The following ABCB5 variants were observed in gnomAD, a reference collection of about 807,000 sequenced individuals.
The protein encoded by ABCB5 is ATP binding cassette subfamily B member 5.
In ABCB5, 155 loss-of-function variants were observed where a neutral mutation model predicts 144.2. That is an observed-to-expected ratio of 1.08 (90% confidence interval 0.94 to 1.23). The LOEUF is 1.23. ABCB5 is among the 50% of genes most tolerant of loss of function. The pLI is 0.00. For synonymous variants in ABCB5, 610 were observed against 528.6 expected (o/e 1.15, Z -2.11); for missense variants, 1,830 against 1,520.8 (o/e 1.20, Z -3.38).
At chr7:20,676,586 A>C (rs10236314) in intron 14 of ABCB5, among the ~76,000 whole-genome samples, 137,166 of 152,202 alleles carry the variant, frequency 0.9, 62,026 homozygotes, top group East Asian at 1. Context: ...CTGCTAGGGA[A>C]TGAGCAGGGA....
chr7:20,657,900 T>C (rs1291200292), intron 13 of ABCB5, among the ~76,000 whole-genome samples: 1 of 152,226 alleles, frequency 6.6e-6, no homozygotes, highest in Non-Finnish European at 1.5e-5. Context: ...AGTAGAATAT[T>C]ACTAGCCATG....
intron 16 of ABCB5, among the ~76,000 whole-genome samples, chr7:20,697,022 T>C (rs1786440885): frequency 6.6e-6 from 1 of 152,212 alleles, no homozygotes; most frequent in African/African-American, 2.4e-5. Flanking sequence ...AAGGTAATTT[T>C]GTAATGCACT....
chr7:20,728,518 C>A, intron 23 of ABCB5, 63 bp downstream of exon 23: 1 of 1,562,058 alleles, frequency 6.4e-7, no homozygotes. Flanking sequence ...CTTTGAGAGG[C>A]TGAGGCGGGT....
At position 20,745,321 on chromosome 7, in the gene ABCB5, C is replaced by A; in HGVS notation, c.3312C>A (p.Asn1104Lys). Residue 1104 changes from asparagine (N) to lysine (K), a missense_variant, in exon 26 of 28, where the codon AAC becomes AAA. Coordinates refer to ENST00000404938, the MANE Select transcript of ABCB5 (RefSeq NM_001163941.2). The part of the protein sequence containing the change: ...AIVPQEPVLF[N>K]CSIAENIAYG... ...TTCCTCAAGAGCCTGTGCTCTTCAA[C>A]TGCAGCATTGCTGAGAACATCGCCT... The A allele has an allele frequency of 6.2e-7, 1 of 1,614,120 alleles. No individual in the cohort carries two copies. The highest frequency in any genetic ancestry group is 8.5e-7 in the Non-Finnish European group (1 of 1,179,986).
At chr7:20,747,134 CTTTTAATGGCAACTTCCT>C (rs1217659246) in intron 26 of ABCB5, among the ~76,000 whole-genome samples, 6 of 152,180 alleles carry the variant, frequency 3.9e-5, no homozygotes, top group Admixed American at 3.9e-4. Context: ...CTGTGAATGT[CTTTTAATGGCAACTTCCT>C]TTTTAACCAT....
rs76721386 is a variant in ABCB5, at chr7:20,666,665, G to T, written c.1707+7989G>T. On this transcript the variant is annotated intron_variant, in intron 14 of 27. Transcript: ENST00000404938. ...CCTGTCTTCCTGGTGACCTTTGTTT[G>T]GTCAAATACCTAATTGTTTGGCTTT... 9.6e-6 allele frequency: 14 copies of T among 1,462,966 alleles called. No homozygotes were observed. In the African/African-American group the frequency reaches 1.1e-4, roughly 12 times the overall value. The allele number at this position is 1,462,966 out of a possible 1,614,324, so 90.6% of individuals were successfully genotyped here. A position where few individuals can be genotyped will look rare whatever the true frequency, so the allele number is the denominator to read the frequency against.
chr7:20,651,320 A>C, intron 12 of ABCB5, 100 bp from the exon 13 acceptor site: 1 of 1,051,184 alleles, frequency 9.5e-7, no homozygotes, highest in Non-Finnish European at 1.4e-6. Flanking sequence ...TGATTTCTAA[A>C]ATATGCTACT....
chr7:20,755,012 C>T (rs7782403), intron 27 of ABCB5, among the ~76,000 whole-genome samples: 4,553 of 151,888 alleles, frequency 0.03, 234 homozygotes, highest in African/African-American at 0.1. Context: ...TGCAATGGCA[C>T]GATCTCAGCT....
intron 23 of ABCB5, 21 bp downstream of exon 23, chr7:20,728,476 G>C (rs545117369): frequency 6.2e-7 from 1 of 1,611,392 alleles, no homozygotes. Flanking sequence ...GAAATAGTCC[G>C]GACCTGGTAG....
At chr7:20,654,311 A>C (rs1420036008) in intron 13 of ABCB5, among the ~76,000 whole-genome samples, 1 of 152,214 alleles carries the variant, frequency 6.6e-6, no homozygotes, top group Non-Finnish European at 1.5e-5. Context: ...TATGGCCTGT[A>C]TGCAAGAAAC....
intron 16 of ABCB5, among the ~76,000 whole-genome samples, chr7:20,688,683 A>G (rs1003190967): frequency 1.3e-5 from 2 of 152,206 alleles, no homozygotes; most frequent in African/African-American, 2.4e-5. Context: ...TGTTTATTGC[A>G]GCACTATTCA....
intron 26 of ABCB5, among the ~76,000 whole-genome samples, chr7:20,750,385 C>A (rs1301395553): frequency 1.8e-5 from 1 of 56,284 alleles, no homozygotes; most frequent in Non-Finnish European, 5.0e-5. Flanking sequence ...CTTCCCCCTA[C>A]ACACACACAC....
chr7:20,690,618 G>A (rs1786186022), intron 16 of ABCB5, among the ~76,000 whole-genome samples: 3 of 152,152 alleles, frequency 2.0e-5, no homozygotes, highest in African/African-American at 7.2e-5. Flanking sequence ...TAAGATGAGG[G>A]AAAGCAGAAC....
intron 20 of ABCB5, among the ~76,000 whole-genome samples, chr7:20,720,433 A>G (rs534488218): frequency 2.6e-5 from 4 of 152,330 alleles, no homozygotes; most frequent in African/African-American, 9.6e-5. Flanking sequence ...GGAAGAAACC[A>G]TCTTAATTAA....
chr7:20,705,780 C>G (rs1193941875), intron 20 of ABCB5, among the ~76,000 whole-genome samples: 1 of 151,200 alleles, frequency 6.6e-6, no homozygotes, highest in Non-Finnish European at 1.5e-5. Flanking sequence ...ATTATTTCCA[C>G]AGGATATGGC....
intron 5 of ABCB5, among the ~76,000 whole-genome samples, chr7:20,634,528 G>A (rs1784110854): frequency 6.6e-6 from 1 of 152,012 alleles, no homozygotes; most frequent in Non-Finnish European, 1.5e-5. Context: ...GTGTATAAGT[G>A]TTCTCCTTTC....
intron 1 of ABCB5, among the ~76,000 whole-genome samples, chr7:20,620,811 G>A (rs532945367): frequency 6.6e-6 from 1 of 152,076 alleles, no homozygotes; most frequent in Non-Finnish European, 1.5e-5. Flanking sequence ...AAATAATACA[G>A]CTGCTAAGAA....
chr7:20,709,494 CA>C (rs1161319755), intron 20 of ABCB5, among the ~76,000 whole-genome samples: 1 of 149,722 alleles, frequency 6.7e-6, no homozygotes, highest in Non-Finnish European at 1.5e-5. Flanking sequence ...AATTTGAATA[CA>C]AAATAACTCA....
chr7:20,661,510 A>G (rs1306310004), intron 14 of ABCB5, among the ~76,000 whole-genome samples: 1 of 146,912 alleles, frequency 6.8e-6, no homozygotes, highest in African/African-American at 2.6e-5. Context: ...GACCAGAAAT[A>G]TTCTTTTTTG....
Sources: allele counts gnomAD v4.1 joint callset (sites outside exome capture counted in the v4.1 genomes callset), GRCh38; gene constraint gnomAD v4.1.1; transcripts MANE v1.5; gene names NCBI Gene and HGNC (gene_info 2026-07-23, HGNC 2026-07-21).